TRANK1: variants seen among roughly 807,000 people sequenced by gnomAD.
TRANK1 encodes the protein TPR and ankyrin repeat-containing protein 1.
In TRANK1, 198 loss-of-function variants were observed where a neutral mutation model predicts 266.0. The ratio of observed to expected loss-of-function variants is 0.74; its 90% CI spans 0.66 to 0.84. The LOEUF is 0.84. TRANK1 is among the 40% of genes least tolerant of loss of function. TRANK1 has a pLI of 0.00. For missense variants in TRANK1, 3,326 were observed against 3,634.6 expected (o/e 0.92, Z 2.18); for synonymous variants, 1,396 against 1,384.1 (o/e 1.01, Z -0.19).
intron 1 of TRANK1, chr3:36,929,352 G>A (rs987083763): frequency 2.6e-5 from 4 of 152,188 alleles, no homozygotes; most frequent in African/African-American, 4.8e-5. Context: ...CTGATCTCAA[G>A]CAATCCACCT....
Position 36,856,652 on chromosome 3 carries a change from A to G in TRANK1, c.3070T>C (p.Tyr1024His). 1 of 1,614,014 alleles carries G rather than the reference A, an allele frequency of 6.2e-7. No individual in the cohort carries two copies. Among genetic ancestry groups the G allele is most frequent in the Non-Finnish European group, 8.5e-7 (1 of 1,179,892 alleles). The change falls in exon 13 of 24, where the codon TAT (tyrosine) becomes CAT (histidine). Residue 1024 changes from tyrosine to histidine, a missense_variant. Tyr to His is a moderately conservative substitution (Grantham distance 83, BLOSUM62 2). Transcript: ENST00000645898. ...FPPASAVETE[Y>H]NIMKFHSFST... Reference sequence around the variant, plus strand: ...AAGCTGTGGAACTTCATGATGTTATATTCTGTCTCCACTGCACTGGCTGGG... The same window carrying G: ...AAGCTGTGGAACTTCATGATGTTATGTTCTGTCTCCACTGCACTGGCTGGG...
intron 18 of TRANK1, among the ~76,000 whole-genome samples, chr3:36,841,892 T>G (rs1340836705): frequency 7.2e-6 from 1 of 139,150 alleles, no homozygotes; most frequent in Non-Finnish European, 1.6e-5. Context: ...TTGTTGTTAT[T>G]AGATTAAAGC....
At chr3:36,944,705 C>T (rs2080547891) in intron 1 of TRANK1, 82 bp downstream of exon 1, 3 of 1,470,806 alleles carry the variant, frequency 2.0e-6, no homozygotes, top group East Asian at 2.8e-5. Context: ...CGCCAGTCCC[C>T]GCGCGCGGCC....
chr3:36,930,583 T>TA (rs1455945467), intron 1 of TRANK1, among the ~76,000 whole-genome samples: 1 of 151,936 alleles, frequency 6.6e-6, no homozygotes, highest in Non-Finnish European at 1.5e-5. Context: ...TCCAAATGAA[T>TA]AAAAAAAGTC....
At position 36,832,269 on chromosome 3, in the gene TRANK1, G is replaced by A; in HGVS notation, c.7314C>T (p.Ile2438=). 1 of 1,613,984 alleles carries A rather than the reference G, an allele frequency of 6.2e-7. No homozygotes were observed. Among genetic ancestry groups the A allele is most frequent in the South Asian group, 1.1e-5 (1 of 91,076 alleles). ...RLFFRFMNVL[I]KRCKEPLIPS... is the part of the protein sequence containing the mutation. ...GGATGAGTGGTTCTTTGCACCTCTT[G>A]ATGAGGACATTCATGAAACGGAAAA... The change falls in exon 22 of 24, where the codon ATC becomes ATT. Residue 2438 remains isoleucine, a synonymous_variant. Coordinates refer to ENST00000645898, the MANE Select transcript of TRANK1 (RefSeq NM_001329998.2).
chr3:36,883,631 T>G (rs527722862), intron 8 of TRANK1, among the ~76,000 whole-genome samples: 1 of 151,736 alleles, frequency 6.6e-6, no homozygotes, highest in African/African-American at 2.4e-5. Context: ...AGAAACTGAT[T>G]ATCTATAAGG....
At chr3:36,844,739 C>T (rs2078892810) in intron 17 of TRANK1, among the ~76,000 whole-genome samples, 1 of 152,076 alleles carries the variant, frequency 6.6e-6, no homozygotes, top group Non-Finnish European at 1.5e-5. Flanking sequence ...TGACTTTTCC[C>T]ATCACAATAG....
rs543572881 is a variant in TRANK1, at chr3:36,859,856, A to G, written c.1496-962T>C. 1.6e-4 allele frequency among the ~76,000 whole-genome samples: 25 copies of G among 152,352 alleles called. 1 individual carries two copies. Among genetic ancestry groups the G allele is most frequent in the Non-Finnish European group, 3.4e-4 (23 of 68,034 alleles). ...CCACTTAAGGAAGGAGTTTAAAAAA[A>G]TAAATTATAGAAGCCACCCCACCTA... On this transcript the variant is annotated intron_variant, in intron 11 of 23. Coordinates refer to ENST00000645898, the MANE Select transcript of TRANK1 (RefSeq NM_001329998.2).
At position 36,856,820 on chromosome 3, in the gene TRANK1, A is replaced by G; in HGVS notation, c.2902T>C (p.Cys968Arg). ...ICNAYNRGLS[C>R]VLRKKLKGIN... ...CCTTTCAGCTTCTTCCGCAGGACAC[A>G]GGACAAGCCCCGGTTGTAGGCATTG... Residue 968 changes from cysteine (C) to arginine (R), a missense_variant, in exon 13 of 24, where the codon TGT (cysteine) becomes CGT (arginine). By Grantham distance (180) the Cys-to-Arg change is radical (BLOSUM62 -3). Coordinates refer to ENST00000645898, the MANE Select transcript of TRANK1 (RefSeq NM_001329998.2). 1 of 1,614,032 alleles carries G rather than the reference A, an allele frequency of 6.2e-7. No homozygotes were observed. The highest frequency in any genetic ancestry group is 8.5e-7 in the Non-Finnish European group (1 of 1,179,894).
intron 4 of TRANK1, among the ~76,000 whole-genome samples, chr3:36,898,116 C>A (rs1427184694): frequency 6.6e-6 from 1 of 152,142 alleles, no homozygotes; most frequent in Non-Finnish European, 1.5e-5. Flanking sequence ...ATCTTCATAG[C>A]AAACAAATAT....
intron 1 of TRANK1, among the ~76,000 whole-genome samples, chr3:36,944,274 C>T (rs554499567): frequency 6.6e-6 from 1 of 152,216 alleles, no homozygotes; most frequent in Non-Finnish European, 1.5e-5. Context: ...ATCGGGCGGG[C>T]AGGGAAGAAG....
intron 1 of TRANK1, among the ~76,000 whole-genome samples, chr3:36,943,684 A>G (rs2080529655): frequency 6.6e-6 from 1 of 151,330 alleles, no homozygotes; most frequent in African/African-American, 2.4e-5. Context: ...TCCGGATAAC[A>G]GCCTTATATC....
At chr3:36,842,737 G>C in intron 17 of TRANK1, 27 bp from the exon 18 acceptor site, 10 of 1,588,604 alleles carry the variant, frequency 6.3e-6, no homozygotes, top group Non-Finnish European at 8.6e-6. Flanking sequence ...AAGTGTGTTT[G>C]CTTCTCTGGG....
Position 36,833,116 on chromosome 3 carries a change from T to A in TRANK1, c.6467A>T (p.His2156Leu), listed in dbSNP as rs1196595131. 6 of 1,612,522 alleles carry A rather than the reference T, an allele frequency of 3.7e-6. No homozygotes were observed. The South Asian group carries it at 6.6e-5, about 18-fold the overall frequency. ...LNLREKKTKD[H>L]FLIMTDQVKL... ...CACTTGGTCAGTCATTATCAAAAAA[T>A]GATCTTTTGTTTTTTTCTCTCTCAA... Residue 2156 changes from histidine to leucine, a missense_variant, in exon 22 of 24, where the codon CAT becomes CTT. Coordinates refer to ENST00000645898, the MANE Select transcript of TRANK1 (RefSeq NM_001329998.2).
Position 36,857,592 on chromosome 3 carries a change from G to A in TRANK1, c.2130C>T (p.Leu710=), listed in dbSNP as rs373648514. Residue 710 remains leucine, a synonymous_variant, in exon 13 of 24, where the codon CTC becomes CTT. Transcript: ENST00000645898. The surrounding 1 kb of genome is among the most constrained non-coding windows in gnomAD (Gnocchi z 4.3). The part of the protein sequence containing the change: ...GSAVPDSWET[L]PGTQVTRKEP... ...CCTTCCTGGTCACCTGGGTACCTGG[G>A]AGAGTCTCCCAGCTGTCAGGGACTG... The A allele has an allele frequency of 4.3e-6, 7 of 1,613,938 alleles. No homozygotes were observed. In the African/African-American group the frequency reaches 9.3e-5, roughly 22 times the overall value.
Position 36,919,419 on chromosome 3 carries a change from C to T in TRANK1, c.24-10965G>A, listed in dbSNP as rs1292005718. On this transcript the variant is annotated intron_variant, in intron 1 of 23. Transcript: ENST00000645898. The stretch of plus-strand genomic sequence containing the variant: ...GGTTCCCTCTTTCCTTAAAGATTAT[C>T]CATGTGAGACTCAACTATATTGTTG... Among the ~76,000 whole-genome samples, 6 of 152,350 alleles carry T rather than the reference C, an allele frequency of 3.9e-5. No individual in the cohort carries two copies. The East Asian group carries it at 1.2e-3, about 29-fold the overall frequency.
chr3:36,851,980 C>T, intron 14 of TRANK1, 124 bp from the exon 15 acceptor site: 1 of 1,414,870 alleles, frequency 7.1e-7, no homozygotes, highest in East Asian at 2.5e-5. Flanking sequence ...GTCAGGCAGG[C>T]CAGGGGAAAG....
intron 8 of TRANK1, among the ~76,000 whole-genome samples, chr3:36,874,574 G>A (rs983937842): frequency 1.3e-5 from 2 of 152,080 alleles, no homozygotes; most frequent in African/African-American, 4.8e-5. Context: ...CAAGGAGAGG[G>A]GGAATCTGGT....
chr3:36,828,726 CT>C (rs1394160666), intron 23 of TRANK1, among the ~76,000 whole-genome samples: 1 of 152,112 alleles, frequency 6.6e-6, no homozygotes, highest in African/African-American at 2.4e-5. Flanking sequence ...TTTTAGAGGC[CT>C]TTTAAATAAC....
Sources: allele counts gnomAD v4.1 joint callset (sites outside exome capture counted in the v4.1 genomes callset), GRCh38; gene constraint gnomAD v4.1.1; non-coding constraint Gnocchi (gnomAD v3.1); transcripts MANE v1.5; gene names NCBI Gene and HGNC (gene_info 2026-07-23, HGNC 2026-07-21).